Variants in MACF1 observed in about 807,000 individuals in gnomAD.
MACF1 encodes microtubule actin crosslinking factor 1.
In MACF1, 193 loss-of-function variants were observed where a neutral mutation model predicts 854.8. The observed-to-expected ratio is 0.23, with a 90% CI of 0.20 to 0.25. The LOEUF (loss-of-function observed/expected upper bound fraction) is 0.25. Ranked by LOEUF, MACF1 falls within the 10% of genes least tolerant of loss-of-function variation. The pLI is 1.00. For synonymous variants in MACF1, 3,185 were observed against 3,226.7 expected (o/e 0.99, Z 0.44); for missense variants, 7,722 against 8,929.1 (o/e 0.86, Z 5.45).
chr1:39,126,719 A>C (rs191801903), intron 2 of MACF1, among the ~76,000 whole-genome samples: 35 of 151,920 alleles, frequency 2.3e-4, no homozygotes, highest in Non-Finnish European at 5.0e-4. Flanking sequence ...CTTGGGAGGC[A>C]GAGATTGCGG....
intron 97 of MACF1, 69 bp from the exon 98 acceptor site, chr1:39,479,729 G>A (rs972211698): frequency 2.0e-5 from 27 of 1,383,742 alleles, no homozygotes; most frequent in Middle Eastern, 1.8e-4. Flanking sequence ...GGGTCAAGCC[G>A]CTGTATAACC....
intron 44 of MACF1, among the ~76,000 whole-genome samples, chr1:39,353,865 T>C (rs909665312): frequency 2.0e-5 from 3 of 152,216 alleles, no homozygotes; most frequent in Admixed American, 1.3e-4. Flanking sequence ...GCTATACTTC[T>C]TCATCTTTAT....
At chr1:39,121,486 G>A (rs948392656) in intron 2 of MACF1, among the ~76,000 whole-genome samples, 1 of 152,066 alleles carries the variant, frequency 6.6e-6, no homozygotes, top group African/African-American at 2.4e-5. Flanking sequence ...GTCTTGCTTT[G>A]TTGCCTGGTC....
intron 6 of MACF1, among the ~76,000 whole-genome samples, chr1:39,260,748 CA>C (rs1048271582): frequency 1.3e-5 from 2 of 152,052 alleles, no homozygotes; most frequent in African/African-American, 4.8e-5. Context: ...AACAAACAAA[CA>C]AAAAACCCCA....
chr1:39,385,902 C>A lies in MACF1; in HGVS notation c.14317C>A (p.Pro4773Thr). The A allele has an allele frequency of 1.9e-6, 3 of 1,612,334 alleles. No homozygotes were observed. Among genetic ancestry groups the A allele is most frequent in the Non-Finnish European group, 2.5e-6 (3 of 1,178,812 alleles). Residue 4773 changes from proline (P) to threonine (T), a missense_variant, in exon 57 of 101, where the codon CCT (proline) becomes ACT (threonine). Pro to Thr is a conservative substitution (Grantham distance 38). Transcript: ENST00000564288. The part of the protein sequence containing the change: ...LKKRLETVAL[P>T]LQGLEDLAAD... ...GAAGCGTTTGGAGACAGTTGCCCTGCCTCTCCAAGGTTTAGAAGACCTTGC... is the reference window on the plus strand; with the variant it reads ...GAAGCGTTTGGAGACAGTTGCCCTGACTCTCCAAGGTTTAGAAGACCTTGC...
rs1358838585 is a variant in MACF1 at position 39,094,067 on chromosome 1, G to A, written c.220+9629G>A. ...TGCTGGGATTACAGGCGTGAGCCAC[G>A]GTGCCCAGCCCCACCCCACTCCACT... On this transcript the variant is annotated intron_variant, in intron 2 of 93. Transcript: ENST00000361689. Among the ~76,000 whole-genome samples, 4 of 151,334 alleles carry A rather than the reference G, an allele frequency of 2.6e-5. 1 individual carries two copies. The South Asian group carries it at 6.5e-4, about 25-fold the overall frequency.
In MACF1 at chr1:39,145,662, C is replaced by G. The variant is rs553908112; in HGVS notation, c.220+61224C>G. Among the ~76,000 whole-genome samples the G allele has an allele frequency of 3.9e-5, 6 of 152,272 alleles. No homozygotes were observed. In the East Asian group the frequency reaches 9.7e-4, roughly 25 times the overall value. ...ATGACTTGCTTGCAGAACTCAGCAG[C>G]CTCTTTTTGTTCTCACGCTGTTTCA... On this transcript the variant is annotated intron_variant, in intron 2 of 93. Coordinates refer to the MACF1 transcript ENST00000361689.
At chr1:39,410,900 TAAGTG>T (rs773728785) in intron 58 of MACF1, 9 of 1,613,898 alleles carry the variant, frequency 5.6e-6, no homozygotes, top group East Asian at 2.2e-5. Context: ...TTTAAAAACT[TAAGTG>T]GAGACTGCCA....
At position 39,102,972 on chromosome 1, in the gene MACF1, A is replaced by G. The variant is rs1306835696; in HGVS notation, c.220+18534A>G. On this transcript the variant is annotated intron_variant, in intron 2 of 93. Transcript: ENST00000361689. The stretch of plus-strand genomic sequence containing the variant: ...AATTTTCTCTGTATAAAACAGGAAC[A>G]TCAGCCAAACATGTGGACTTCCCCA... 4.3e-6 allele frequency: 3 copies of G among 701,146 alleles called. No individual in the cohort carries two copies. The African/African-American group carries it at 5.2e-5, about 12-fold the overall frequency. The allele number at this position is 701,146 out of a possible 1,614,324, so 43.4% of individuals were successfully genotyped here. A position where few individuals can be genotyped will look rare whatever the true frequency, so the allele number is the denominator to read the frequency against.
At chr1:39,392,692 T>C (rs1012093120) in intron 58 of MACF1, among the ~76,000 whole-genome samples, 2 of 152,202 alleles carry the variant, frequency 1.3e-5, no homozygotes, top group Non-Finnish European at 2.9e-5. Context: ...ACAGTCTTGC[T>C]GATAGATCCA....
intron 95 of MACF1, among the ~76,000 whole-genome samples, chr1:39,466,132 T>C (rs769266597): frequency 1.2e-4 from 18 of 152,210 alleles, no homozygotes; most frequent in Non-Finnish European, 2.4e-4. Context: ...ACATGCCTAC[T>C]CTCACACAGC....
chr1:39,335,808 G>T lies in MACF1; in HGVS notation c.9220G>T (p.Val3074Leu). The part of the protein sequence containing the change: ...FSSKQANEGK[V>L]NNLSLCLTLK... ...CTCTAAACAGGCCAATGAAGGAAAA[G>T]TAAACAATTTAAGTCTCTGCTTGAC... The change falls in exon 37 of 101, where the codon GTA (valine) becomes TTA (leucine). Residue 3074 changes from valine to leucine, a missense_variant. By Grantham distance (32) the Val-to-Leu change is conservative. Around this residue, in one of 15 missense-constraint regions of MACF1, gnomAD observed 854 missense variants for 852.6 expected, o/e 1.00. Transcript: ENST00000564288. The T allele has an allele frequency of 6.2e-7, 1 of 1,613,568 alleles. No individual in the cohort carries two copies. The highest frequency in any genetic ancestry group is 1.1e-5 in the South Asian group (1 of 91,074).
chr1:39,123,267 G>T (rs1642766257), intron 2 of MACF1, among the ~76,000 whole-genome samples: 2 of 144,070 alleles, frequency 1.4e-5, no homozygotes, highest in African/African-American at 5.1e-5. Flanking sequence ...GAGTGCAGTG[G>T]TGCGATCTTG....
chr1:39,356,663 G>T (rs1376995950), intron 44 of MACF1, among the ~76,000 whole-genome samples: 6 of 152,238 alleles, frequency 3.9e-5, no homozygotes, highest in Admixed American at 1.3e-4. Flanking sequence ...GAGCCACCAT[G>T]CCTGGCCAAA....
intron 45 of MACF1, 30 bp from the exon 46 acceptor site, chr1:39,358,667 A>T (rs372704400): frequency 1.9e-6 from 3 of 1,609,236 alleles, no homozygotes; most frequent in Non-Finnish European, 2.5e-6. Context: ...ACCTTGCTTA[A>T]GTCTGCTTAC....
At chr1:39,320,529 A>G (rs1646494380) in intron 31 of MACF1, among the ~76,000 whole-genome samples, 1 of 152,240 alleles carries the variant, frequency 6.6e-6, no homozygotes, top group African/African-American at 2.4e-5. Context: ...GATGAAATAC[A>G]GCAAATAAGA....
chr1:39,307,897 C>CT (rs1646217452), intron 23 of MACF1, among the ~76,000 whole-genome samples: 2 of 96,216 alleles, frequency 2.1e-5, no homozygotes, highest in African/African-American at 7.7e-5. Flanking sequence ...TTCTTTCTTT[C>CT]TTTCTTTTTT....
At chr1:39,242,668 G>A (rs1366908758) in intron 2 of MACF1, among the ~76,000 whole-genome samples, 4 of 151,192 alleles carry the variant, frequency 2.6e-5, no homozygotes, top group South Asian at 4.2e-4. Flanking sequence ...CCAGGAAGTC[G>A]AGGCTATAGT....
At chr1:39,157,935 T>C (rs1428000897) in intron 2 of MACF1, among the ~76,000 whole-genome samples, 3 of 152,174 alleles carry the variant, frequency 2.0e-5, no homozygotes, top group Non-Finnish European at 4.4e-5. Context: ...CTTCTGTCTG[T>C]TTTCTCATCT....
Sources: gnomAD v4.1 joint callset for allele counts (sites outside exome capture counted in the v4.1 genomes callset) on GRCh38, gnomAD v4.1.1 for gene constraint, gnomAD v4.1.1 regional missense constraint, MANE v1.5 for transcripts, NCBI Gene and HGNC (gene_info 2026-07-23, HGNC 2026-07-21) for gene names.